Variants in MORN5 observed in about 807,000 individuals in gnomAD.
MORN5 encodes the protein MORN repeat-containing protein 5.
In MORN5, 21 loss-of-function variants were observed where a neutral mutation model predicts 22.1. That is an observed-to-expected ratio of 0.95 (90% CI 0.67 to 1.37). The LOEUF is 1.37. Among genes scored for constraint, MORN5 ranks in the 40% most tolerant of loss-of-function variants. MORN5 has a pLI of 0.00. For synonymous variants in MORN5, 73 were observed against 74.0 expected, an observed-to-expected ratio of 0.99 and a Z score of 0.07; for missense variants, 211 against 215.1, an observed-to-expected ratio of 0.98 and a Z score of 0.12.
At chr9:122,165,650 G>A (rs1310680677) in intron 1 of MORN5, among the ~76,000 whole-genome samples, 1 of 152,126 alleles carries the variant, frequency 6.6e-6, no homozygotes, top group African/African-American at 2.4e-5. Flanking sequence ...TCTCCTGTAT[G>A]AGCCTGTCTT....
At chr9:122,174,654 GT>G in intron 4 of MORN5, 27 bp downstream of exon 4, 6 of 1,613,664 alleles carry the variant, frequency 3.7e-6, no homozygotes, top group Non-Finnish European at 4.2e-6. Context: ...ACTGCAGCAC[GT>G]TTTCTCTTCA....
intron 4 of MORN5, among the ~76,000 whole-genome samples, chr9:122,177,206 AAGCTGATTCT>A (rs1312108916): frequency 6.6e-6 from 1 of 152,192 alleles, no homozygotes; most frequent in Non-Finnish European, 1.5e-5. Context: ...GAGAGAGATG[AAGCTGATTCT>A]AGGAGTGTGG....
chr9:122,188,964 G>A (rs1049501905), intron 4 of MORN5, among the ~76,000 whole-genome samples: 13 of 152,140 alleles, frequency 8.5e-5, no homozygotes, highest in Non-Finnish European at 1.8e-4. Flanking sequence ...GGAGGCTGAG[G>A]TGGGTGGGTC....
chr9:122,185,886 G>A (rs1829622948), intron 4 of MORN5, among the ~76,000 whole-genome samples: 1 of 152,190 alleles, frequency 6.6e-6, no homozygotes, highest in African/African-American at 2.4e-5. Flanking sequence ...TTTCCTTGCA[G>A]TTTCTGCAAA....
chr9:122,191,026 G>A (rs1022616656), intron 4 of MORN5, among the ~76,000 whole-genome samples: 6 of 152,302 alleles, frequency 3.9e-5, no homozygotes, highest in East Asian at 1.9e-4. Flanking sequence ...CCCAAAAGAC[G>A]ACAGCCCCTA....
chr9:122,190,577 G>T (rs1392785114), intron 4 of MORN5, among the ~76,000 whole-genome samples: 1 of 152,154 alleles, frequency 6.6e-6, no homozygotes, highest in Non-Finnish European at 1.5e-5. Flanking sequence ...CTTTTTCTAA[G>T]CCTTTTACAT....
At chr9:122,183,307 C>T (rs986780949) in intron 4 of MORN5, among the ~76,000 whole-genome samples, 37 of 152,180 alleles carry the variant, frequency 2.4e-4, no homozygotes, top group Non-Finnish European at 2.4e-4. Context: ...TAAGCTAGAG[C>T]CTCGCTGGCA....
At chr9:122,172,256 C>T (rs140001027) in intron 3 of MORN5, among the ~76,000 whole-genome samples, 3 of 151,826 alleles carry the variant, frequency 2.0e-5, no homozygotes, top group East Asian at 1.9e-4. Flanking sequence ...CCACCATGCC[C>T]GGCCGCTTAC....
At chr9:122,192,836 T>C (rs4573350) in intron 4 of MORN5, among the ~76,000 whole-genome samples, 76,187 of 152,186 alleles carry the variant, frequency 0.5, 22,064 homozygotes, top group African/African-American at 0.79. Flanking sequence ...TCACAAGCTC[T>C]GTTTGCCCAG....
chr9:122,184,640 T>G (rs1829585527), intron 4 of MORN5, among the ~76,000 whole-genome samples: 1 of 152,266 alleles, frequency 6.6e-6, no homozygotes, highest in Non-Finnish European at 1.5e-5. Flanking sequence ...GCCAACTGCT[T>G]ACTGTGTTCC....
intron 1 of MORN5, 83 bp from the exon 2 acceptor site, chr9:122,166,685 G>A (rs1829288614): frequency 7.8e-7 from 1 of 1,289,396 alleles, no homozygotes; most frequent in Admixed American, 1.9e-5. Context: ...GCTGAGAACG[G>A]GGTTCCTGCT....
Position 122,159,923 on chromosome 9 carries a change from T to C in MORN5, c.-50T>C, listed in dbSNP as rs369542547. The C allele has an allele frequency of 1.3e-5, 20 of 1,580,280 alleles. No homozygotes were observed. In the African/African-American group the frequency reaches 1.9e-4, roughly 15 times the overall value. On this transcript the variant is annotated 5_prime_UTR_variant, in exon 1 of 5. Transcript: ENST00000373764. Reference sequence around the variant, plus strand: ...CCTCCAGGTTGTCATAGTGATGCCGTATCCACTGAGACTCCGGATCCTAAC... The same window carrying C: ...CCTCCAGGTTGTCATAGTGATGCCGCATCCACTGAGACTCCGGATCCTAAC...
At chr9:122,198,719 G>A (rs1175779896) in intron 4 of MORN5, among the ~76,000 whole-genome samples, 1 of 152,152 alleles carries the variant, frequency 6.6e-6, no homozygotes, top group Non-Finnish European at 1.5e-5. Context: ...CATTGTTCCT[G>A]GTAGTGGGAG....
chr9:122,170,610 G>C (rs1320459808), intron 3 of MORN5, among the ~76,000 whole-genome samples: 1 of 152,152 alleles, frequency 6.6e-6, no homozygotes, highest in Non-Finnish European at 1.5e-5. Flanking sequence ...AGCCTTCCTA[G>C]TCCCATGTCA....
intron 4 of MORN5, chr9:122,174,923 C>G: frequency 1.1e-6 from 1 of 946,172 alleles, no homozygotes; most frequent in Non-Finnish European, 1.3e-6. Context: ...TAATGGGCAC[C>G]TACTATATGC....
At chr9:122,193,078 G>T (rs910159690) in intron 4 of MORN5, among the ~76,000 whole-genome samples, 2 of 152,134 alleles carry the variant, frequency 1.3e-5, no homozygotes, top group Non-Finnish European at 2.9e-5. Flanking sequence ...TCCGGGCAGG[G>T]TCTGTGGGGG....
intron 3 of MORN5, among the ~76,000 whole-genome samples, chr9:122,171,372 T>C (rs1026493600): frequency 1.3e-5 from 2 of 152,226 alleles, no homozygotes; most frequent in African/African-American, 4.8e-5. Flanking sequence ...CTTACTCTGC[T>C]ATTTTCCTCC....
chr9:122,194,464 G>T (rs907274094), intron 4 of MORN5, among the ~76,000 whole-genome samples: 6 of 152,196 alleles, frequency 3.9e-5, no homozygotes, highest in Non-Finnish European at 8.8e-5. Flanking sequence ...ACAAGATGGG[G>T]TGACTGTGAG....
At chr9:122,177,338 G>T (rs1588306143) in intron 4 of MORN5, among the ~76,000 whole-genome samples, 1 of 152,254 alleles carries the variant, frequency 6.6e-6, no homozygotes, top group African/African-American at 2.4e-5. Context: ...CTAACAAGGA[G>T]CCGGCTGGCA....
Sources: gnomAD v4.1 joint callset for allele counts (sites outside exome capture counted in the v4.1 genomes callset) on GRCh38, gnomAD v4.1.1 for gene constraint, MANE v1.5 for transcripts, NCBI Gene and HGNC (gene_info 2026-07-23, HGNC 2026-07-21) for gene names.